Variants in ZFAND3 observed in about 807,000 individuals in gnomAD.
ZFAND3 encodes AN1-type zinc finger protein 3.
Under a neutral mutation model 29.6 loss-of-function variants are expected in ZFAND3, and 10 were observed. The observed-to-expected ratio is 0.34, with a 90% confidence interval of 0.21 to 0.57. The LOEUF (loss-of-function observed/expected upper bound fraction) is 0.57. Ranked by LOEUF, ZFAND3 falls within the 20% of genes least tolerant of loss-of-function variation. ZFAND3 has a pLI of 0.86. For synonymous variants in ZFAND3, 128 were observed against 112.6 expected (o/e 1.14, Z -0.87); for missense variants, 230 against 304.5 (o/e 0.76, Z 1.82).
rs568627730 is a variant in ZFAND3 at position 37,969,377 on chromosome 6, T to C, written c.112+39378T>C. Reference sequence around the variant, plus strand: ...AAAATGCCGTAAGTCAAAAAGGTGGTTAATACCCTTAAGCTGCCAAACATT... The same window carrying C: ...AAAATGCCGTAAGTCAAAAAGGTGGCTAATACCCTTAAGCTGCCAAACATT... On this transcript the variant is annotated intron_variant, in intron 2 of 5. Coordinates refer to ENST00000287218, the MANE Select transcript of ZFAND3 (RefSeq NM_021943.3). Among the ~76,000 whole-genome samples, 5 of 152,340 alleles carry C rather than the reference T, an allele frequency of 3.3e-5. No homozygotes were observed. The East Asian group carries it at 9.6e-4, about 29-fold the overall frequency.
intron 4 of ZFAND3, among the ~76,000 whole-genome samples, chr6:38,085,381 T>TA (rs1764737048): frequency 6.6e-6 from 1 of 152,146 alleles, no homozygotes; most frequent in African/African-American, 2.4e-5. Flanking sequence ...AGGTTGGACC[T>TA]AAAGCAGCCT....
chr6:38,023,146 T>C (rs939466169), intron 2 of ZFAND3, among the ~76,000 whole-genome samples: 1 of 152,222 alleles, frequency 6.6e-6, no homozygotes, highest in Non-Finnish European at 1.5e-5. Flanking sequence ...TCTATAAGGC[T>C]ACAAGGAGCT....
intron 2 of ZFAND3, among the ~76,000 whole-genome samples, chr6:37,986,050 G>C (rs1044826708): frequency 6.6e-6 from 1 of 152,222 alleles, no homozygotes; most frequent in Non-Finnish European, 1.5e-5. Flanking sequence ...CACAAAAGTA[G>C]ACATTGTCTG....
chr6:37,965,570 CT>C (rs11294675), intron 2 of ZFAND3, among the ~76,000 whole-genome samples: 136,034 of 147,996 alleles, frequency 0.92, 63,241 homozygotes, highest in East Asian at 1. Flanking sequence ...GGTTGTCATT[CT>C]TTTTTTTTTT....
chr6:37,935,121 GTGTTGATTATTTTTA>G (rs1293774612), intron 2 of ZFAND3, among the ~76,000 whole-genome samples: 4 of 152,230 alleles, frequency 2.6e-5, no homozygotes, highest in African/African-American at 9.6e-5. Flanking sequence ...CCAGTCAAAA[GTGTTGATTATTTTTA>G]TATTATTGCT....
chr6:38,055,824 T>C (rs1764124041), intron 2 of ZFAND3, among the ~76,000 whole-genome samples: 1 of 152,086 alleles, frequency 6.6e-6, no homozygotes, highest in Non-Finnish European at 1.5e-5. Context: ...CACAAAACAG[T>C]TTATGAAAGG....
At chr6:37,916,730 G>A (rs973053816) in intron 1 of ZFAND3, among the ~76,000 whole-genome samples, 5 of 152,176 alleles carry the variant, frequency 3.3e-5, no homozygotes, top group African/African-American at 1.2e-4. Flanking sequence ...TTCACATTTC[G>A]CAGTTTCTGG....
At chr6:37,880,640 A>G (rs1332014743) in intron 1 of ZFAND3, among the ~76,000 whole-genome samples, 1 of 152,178 alleles carries the variant, frequency 6.6e-6, no homozygotes, top group Non-Finnish European at 1.5e-5. Flanking sequence ...TCTGTTTTGT[A>G]CTTTACAAAA....
intron 1 of ZFAND3, among the ~76,000 whole-genome samples, chr6:37,831,970 A>G (rs1340927802): frequency 1.3e-5 from 2 of 152,198 alleles, no homozygotes; most frequent in Admixed American, 1.3e-4. Flanking sequence ...AAAAAAGTTA[A>G]TGTGGAGGAT....
intron 1 of ZFAND3, among the ~76,000 whole-genome samples, chr6:37,904,699 G>A (rs1484639809): frequency 6.6e-6 from 1 of 152,192 alleles, no homozygotes; most frequent in Non-Finnish European, 1.5e-5. Flanking sequence ...AAATGATGAA[G>A]AGGGGTGATT....
chr6:38,014,174 T>C (rs1198046155), intron 2 of ZFAND3, among the ~76,000 whole-genome samples: 2 of 152,202 alleles, frequency 1.3e-5, no homozygotes, highest in Non-Finnish European at 2.9e-5. Context: ...TGTATGGGAT[T>C]GACTAATATT....
At chr6:38,113,425 A>C (rs1765357382) in intron 4 of ZFAND3, among the ~76,000 whole-genome samples, 1 of 152,240 alleles carries the variant, frequency 6.6e-6, no homozygotes, top group Admixed American at 6.5e-5. Context: ...TGCCTACCAG[A>C]ACAAATAACT....
chr6:37,994,915 TG>T lies in ZFAND3; in HGVS notation c.112+64921del, dbSNP rs893924840. Among the ~76,000 whole-genome samples, 8 of 151,994 alleles carry T rather than the reference TG, an allele frequency of 5.3e-5. 1 individual carries two copies. In the South Asian group the frequency reaches 1.5e-3, roughly 28 times the overall value. ...CAGCCCAGATGTTTCTTATCCGGGG[TG>T]GGGGTAAAGAGAGGGTGACCCTAAT... is the stretch of plus-strand genomic sequence containing the variant. On this transcript the variant is annotated intron_variant, in intron 2 of 5. Transcript: ENST00000287218.
Position 37,962,562 on chromosome 6 carries a change from C to T in ZFAND3, c.112+32563C>T, listed in dbSNP as rs112347769. On this transcript the variant is annotated intron_variant, in intron 2 of 5. Transcript: ENST00000287218. ...TTTTCTGTCTAAAGGATTGTGAACA[C>T]ACCAATCAGCGCTCTGTGTCTAGCT... Among the ~76,000 whole-genome samples, 73 of 152,276 alleles carry T rather than the reference C, an allele frequency of 4.8e-4. 1 individual carries two copies. Among genetic ancestry groups the T allele is most frequent in the African/African-American group, 9.9e-4 (41 of 41,552 alleles).
At chr6:37,989,693 A>G (rs1342634864) in intron 2 of ZFAND3, among the ~76,000 whole-genome samples, 1 of 151,950 alleles carries the variant, frequency 6.6e-6, no homozygotes. Flanking sequence ...CACCAATTGC[A>G]AGGGCCATGA....
At chr6:37,838,813 C>T (rs1312338244) in intron 1 of ZFAND3, among the ~76,000 whole-genome samples, 3 of 152,150 alleles carry the variant, frequency 2.0e-5, no homozygotes, top group Non-Finnish European at 4.4e-5. Flanking sequence ...CACCTGTTTT[C>T]ACTTCTCTTA....
At chr6:38,026,328 A>AC (rs1484377947) in intron 2 of ZFAND3, among the ~76,000 whole-genome samples, 2 of 151,920 alleles carry the variant, frequency 1.3e-5, no homozygotes, top group African/African-American at 4.8e-5. Context: ...GAAAACACTA[A>AC]CTATATAAGG....
intron 5 of ZFAND3, among the ~76,000 whole-genome samples, chr6:38,131,752 G>A (rs979374357): frequency 2.6e-5 from 4 of 152,232 alleles, no homozygotes; most frequent in African/African-American, 9.7e-5. Flanking sequence ...TATGTGGCCT[G>A]TAGTGGCTGC....
In ZFAND3 at chr6:38,111,626, C is replaced by G. The variant is rs112228873; in HGVS notation, c.362-4946C>G. On this transcript the variant is annotated intron_variant, in intron 4 of 5. Transcript: ENST00000287218. ...ACTTAAGGAAGAGAAATTGTGTTTT[C>G]TCTTCCATATGGTTTTCTTAATTTT... Among the ~76,000 whole-genome samples the G allele has an allele frequency of 4.2e-4, 64 of 152,262 alleles. 1 individual carries two copies. Among genetic ancestry groups the G allele is most frequent in the African/African-American group, 7.9e-4 (33 of 41,548 alleles).
Sources: gnomAD v4.1 joint callset for allele counts (sites outside exome capture counted in the v4.1 genomes callset) on GRCh38, gnomAD v4.1.1 for gene constraint, MANE v1.5 for transcripts, NCBI Gene and HGNC (gene_info 2026-07-23, HGNC 2026-07-21) for gene names.